Variants in UPRT observed in about 807,000 individuals in gnomAD.
UPRT encodes the protein uracil phosphoribosyltransferase homolog.
UPRT carries 5 observed loss-of-function variants against 22.6 expected under a neutral mutation model. The observed-to-expected ratio is 0.22, with a 90% CI of 0.12 to 0.47. The LOEUF is 0.47. UPRT is among the 20% of genes least tolerant of loss of function. The pLI is 0.99. For missense variants in UPRT, 181 were observed against 239.9 expected (o/e 0.75, Z 1.62); for synonymous variants, 77 against 87.7 (o/e 0.88, Z 0.68).
chrX:75,237,945 T>A (rs1194415340), intron 4 of UPRT, among the ~76,000 whole-genome samples: 1 of 110,689 alleles, frequency 9.0e-6, no homozygotes, highest in East Asian at 2.8e-4. Context: ...AGTTAAAGTA[T>A]AACAATAATA....
In UPRT at chrX:75,184,589, G is replaced by C. The variant is rs1175649890; in HGVS notation, c.-447+16710G>C. 2.8e-5 allele frequency among the ~76,000 whole-genome samples: 3 copies of C among 107,844 alleles called. No homozygotes were observed. In the Admixed American group the frequency reaches 3.0e-4, roughly 11 times the overall value. 93.6% of individuals were successfully genotyped at this position (107,844 alleles called of 115,157 possible). A position where few individuals can be genotyped will look rare whatever the true frequency, so the allele number is the denominator to read the frequency against. On this transcript the variant is annotated intron_variant, in intron 4 of 13. Coordinates refer to the UPRT transcript ENST00000652605. ...AGGCATTGGTAGCTTGATGGGGATG[G>C]CATTGAATCTGTAAATTACCTTGGG...
intron 1 of UPRT, among the ~76,000 whole-genome samples, chrX:75,159,978 G>T (rs181689067): frequency 9.2e-6 from 1 of 108,933 alleles, no homozygotes; most frequent in Non-Finnish European, 1.9e-5. Flanking sequence ...GGGTTTCACC[G>T]AGGATTGTCT....
intron 4 of UPRT, among the ~76,000 whole-genome samples, chrX:75,262,984 C>G (rs1464659607): frequency 9.0e-6 from 1 of 111,339 alleles, no homozygotes; most frequent in Non-Finnish European, 1.9e-5. Context: ...CCCTCCACCC[C>G]AAATCAACAG....
chrX:75,280,014 A>G (rs1409546365), intron 1 of UPRT, among the ~76,000 whole-genome samples: 1 of 110,189 alleles, frequency 9.1e-6, no homozygotes, highest in Non-Finnish European at 1.9e-5. Context: ...CATCATATAT[A>G]TATATTTGAT....
At chrX:75,234,006 G>T (rs1171272999) in intron 4 of UPRT, among the ~76,000 whole-genome samples, 23 of 111,126 alleles carry the variant, frequency 2.1e-4, no homozygotes, top group East Asian at 2.0e-3. Context: ...GGATAAAGAG[G>T]CAAGACCCAT....
At chrX:75,223,376 C>T (rs781730302) in intron 4 of UPRT, among the ~76,000 whole-genome samples, 30 of 111,024 alleles carry the variant, frequency 2.7e-4, no homozygotes, top group Admixed American at 9.6e-4. Context: ...ATGTGCCCCC[C>T]GAGTTTACTG....
intron 4 of UPRT, among the ~76,000 whole-genome samples, chrX:75,255,810 A>T (rs1164414814): frequency 8.9e-6 from 1 of 112,196 alleles, no homozygotes; most frequent in Non-Finnish European, 1.9e-5. Flanking sequence ...ATAGGAAAGT[A>T]TCACAATCCT....
At chrX:75,295,900 T>G (rs1361980638) in intron 2 of UPRT, among the ~76,000 whole-genome samples, 7 of 112,240 alleles carry the variant, frequency 6.2e-5, no homozygotes. Context: ...CAGGCTTTAT[T>G]TACATTATAG....
chrX:75,215,193 C>T (rs967518010), intron 4 of UPRT, among the ~76,000 whole-genome samples: 2 of 110,674 alleles, frequency 1.8e-5, no homozygotes, highest in Non-Finnish European at 3.8e-5. Flanking sequence ...GACAGCTGAT[C>T]CAAATTTGTG....
At chrX:75,216,757 A>AT (rs1343182352) in intron 4 of UPRT, among the ~76,000 whole-genome samples, 4 of 111,732 alleles carry the variant, frequency 3.6e-5, no homozygotes, top group East Asian at 2.8e-4. Context: ...GAAATAAGTA[A>AT]TTTTTTTCTT....
chrX:75,217,967 A>G (rs1399474121), intron 4 of UPRT, among the ~76,000 whole-genome samples: 4 of 111,852 alleles, frequency 3.6e-5, no homozygotes, highest in Non-Finnish European at 5.7e-5. Flanking sequence ...CATTCAGGAC[A>G]TAGGCATGGG....
At chrX:75,173,685 C>A (rs2082237555) in intron 4 of UPRT, among the ~76,000 whole-genome samples, 1 of 112,329 alleles carries the variant, frequency 8.9e-6, no homozygotes, top group African/African-American at 3.2e-5. Context: ...CACACAGGAG[C>A]CCATGGAGTG....
chrX:75,184,983 T>A (rs1373397580), intron 4 of UPRT, among the ~76,000 whole-genome samples: 2 of 111,256 alleles, frequency 1.8e-5, no homozygotes, highest in Non-Finnish European at 3.8e-5. Context: ...CAATTTGAGT[T>A]CCTCTTTTCC....
At chrX:75,215,283 A>T (rs139381893) in intron 4 of UPRT, among the ~76,000 whole-genome samples, 57 of 98,241 alleles carry the variant, frequency 5.8e-4, no homozygotes, top group African/African-American at 1.8e-3. Flanking sequence ...ACACAAAATC[A>T]ATAATCTTAA....
intron 4 of UPRT, among the ~76,000 whole-genome samples, chrX:75,254,761 C>CTTTTTTTTT (rs34395700): frequency 2.1e-5 from 1 of 47,954 alleles, no homozygotes; most frequent in African/African-American, 7.2e-5. Context: ...AGGAAAGAAT[C>CTTTTTTTTT]TTTTTTTTTT....
At chrX:75,187,347 G>A (rs1316687880) in intron 4 of UPRT, among the ~76,000 whole-genome samples, 1 of 111,214 alleles carries the variant, frequency 9.0e-6, no homozygotes, top group African/African-American at 3.3e-5. Flanking sequence ...GTTGAATATT[G>A]GCCCCCACTC....
intron 4 of UPRT, among the ~76,000 whole-genome samples, chrX:75,227,639 G>A (rs111804165): frequency 8.9e-6 from 1 of 112,311 alleles, no homozygotes; most frequent in African/African-American, 3.2e-5. Context: ...TTTTCATGGG[G>A]TACCCCAACT....
chrX:75,206,216 G>A (rs2082366217), intron 4 of UPRT, among the ~76,000 whole-genome samples: 1 of 111,154 alleles, frequency 9.0e-6, no homozygotes, highest in Non-Finnish European at 1.9e-5. Flanking sequence ...GTGCCTTTTC[G>A]GTGGTGGTAG....
chrX:75,190,182 A>G (rs1271189430), intron 4 of UPRT, among the ~76,000 whole-genome samples: 1 of 111,745 alleles, frequency 8.9e-6, no homozygotes, highest in East Asian at 2.8e-4. Flanking sequence ...GGTGGTGACA[A>G]AATCTCTCAG....
Sources: gnomAD v4.1 joint callset for allele counts (sites outside exome capture counted in the v4.1 genomes callset) on GRCh38, gnomAD v4.1.1 for gene constraint, MANE v1.5 for transcripts, NCBI Gene and HGNC (gene_info 2026-07-23, HGNC 2026-07-21) for gene names.